SPOCK1: variants seen among roughly 807,000 people sequenced by gnomAD.
The protein encoded by SPOCK1 is testican-1.
In SPOCK1, 23 loss-of-function variants were observed where a neutral mutation model predicts 55.3. That is an observed-to-expected ratio of 0.42 (90% CI 0.30 to 0.59). SPOCK1 has a LOEUF of 0.59. Ranked by LOEUF, SPOCK1 falls within the 20% of genes least tolerant of loss-of-function variation. The pLI is 0.22. For synonymous variants in SPOCK1, 226 were observed against 221.0 expected (o/e 1.02, Z -0.20); for missense variants, 499 against 552.5 (o/e 0.90, Z 0.97).
intron 9 of SPOCK1, among the ~76,000 whole-genome samples, chr5:136,980,575 T>C (rs1340044696): frequency 1.3e-5 from 2 of 152,182 alleles, no homozygotes; most frequent in African/African-American, 2.4e-5. Context: ...CAAGATCTGA[T>C]AGTTTTGTAA....
intron 3 of SPOCK1, among the ~76,000 whole-genome samples, chr5:137,203,686 G>A (rs984805142): frequency 4.6e-5 from 7 of 152,150 alleles, no homozygotes; most frequent in African/African-American, 9.7e-5. Flanking sequence ...ACGGGGCCAC[G>A]TAAATGAATT....
intron 3 of SPOCK1, among the ~76,000 whole-genome samples, chr5:137,171,094 A>G (rs1000797371): frequency 2.0e-5 from 3 of 152,156 alleles, no homozygotes; most frequent in African/African-American, 7.2e-5. Flanking sequence ...AGAGCCTCCA[A>G]TGGAACTCAA....
chr5:137,130,530 G>T (rs554044923), intron 4 of SPOCK1, among the ~76,000 whole-genome samples: 1 of 152,338 alleles, frequency 6.6e-6, no homozygotes, highest in South Asian at 2.1e-4. Context: ...AAGCTCTAAA[G>T]CATTTCATCA....
chr5:137,453,510 T>C (rs543516581), intron 2 of SPOCK1, among the ~76,000 whole-genome samples: 1 of 152,324 alleles, frequency 6.6e-6, no homozygotes, highest in East Asian at 1.9e-4. Context: ...AACCATTATT[T>C]TGGCTCAATC....
At chr5:137,152,650 T>G (rs1008071376) in intron 3 of SPOCK1, among the ~76,000 whole-genome samples, 2 of 152,368 alleles carry the variant, frequency 1.3e-5, no homozygotes, top group Non-Finnish European at 1.5e-5. Context: ...TAGTTTTTGT[T>G]AAATTTAAGG....
At chr5:137,133,935 G>A (rs1489332731) in intron 4 of SPOCK1, among the ~76,000 whole-genome samples, 3 of 143,034 alleles carry the variant, frequency 2.1e-5, no homozygotes, top group African/African-American at 7.6e-5. Context: ...CACCTCTAGG[G>A]CCAGGAGCAG....
chr5:137,215,094 G>GAAATT (rs1755691886), intron 3 of SPOCK1, among the ~76,000 whole-genome samples: 6 of 152,194 alleles, frequency 3.9e-5, no homozygotes, highest in Non-Finnish European at 7.3e-5. Context: ...AGGTGGCAGG[G>GAAATT]TCTGTAATTT....
intron 3 of SPOCK1, among the ~76,000 whole-genome samples, chr5:137,143,968 C>G (rs1754146266): frequency 6.6e-6 from 1 of 152,176 alleles, no homozygotes; most frequent in Admixed American, 6.5e-5. Context: ...GCGGGGCTCA[C>G]CTCATGCCAA....
At chr5:137,223,633 G>A (rs187614399) in intron 3 of SPOCK1, among the ~76,000 whole-genome samples, 4 of 152,136 alleles carry the variant, frequency 2.6e-5, no homozygotes, top group Non-Finnish European at 5.9e-5. Context: ...ACAATGAGAT[G>A]AAATTATTCT....
intron 2 of SPOCK1, among the ~76,000 whole-genome samples, chr5:137,351,234 C>A (rs1750673351): frequency 6.6e-6 from 1 of 152,222 alleles, no homozygotes; most frequent in East Asian, 1.9e-4. Flanking sequence ...AGCAGATGGT[C>A]CTTTAGAAAG....
intron 2 of SPOCK1, among the ~76,000 whole-genome samples, chr5:137,323,414 T>A (rs931402715): frequency 1.3e-5 from 2 of 152,020 alleles, no homozygotes; most frequent in Non-Finnish European, 2.9e-5. Flanking sequence ...AAAACTGTCA[T>A]AAGAGACAAA....
chr5:137,163,326 G>A (rs1047454260), intron 3 of SPOCK1, among the ~76,000 whole-genome samples: 2 of 152,176 alleles, frequency 1.3e-5, no homozygotes, highest in African/African-American at 2.4e-5. Context: ...GGCTGCCAGG[G>A]AAAGGCAGCA....
At chr5:137,382,603 C>T (rs926774712) in intron 2 of SPOCK1, among the ~76,000 whole-genome samples, 3 of 152,318 alleles carry the variant, frequency 2.0e-5, no homozygotes, top group African/African-American at 7.2e-5. Context: ...CAAGGACCTT[C>T]TTCACATGGT....
intron 6 of SPOCK1, among the ~76,000 whole-genome samples, chr5:137,003,132 G>A (rs1028870409): frequency 3.9e-5 from 6 of 152,212 alleles, no homozygotes; most frequent in South Asian, 2.1e-4. Context: ...GGGGCCAGGT[G>A]CAGTGGCTCA....
At chr5:137,422,849 A>G (rs572762102) in intron 2 of SPOCK1, among the ~76,000 whole-genome samples, 6 of 152,228 alleles carry the variant, frequency 3.9e-5, no homozygotes, top group African/African-American at 1.2e-4. Flanking sequence ...CCTTTGGAGG[A>G]GGAGAGGCAC....
chr5:137,147,625 A>C (rs1676815916), intron 3 of SPOCK1, among the ~76,000 whole-genome samples: 1 of 152,182 alleles, frequency 6.6e-6, no homozygotes, highest in South Asian at 2.1e-4. Flanking sequence ...CTTATAGGAC[A>C]CTTATCCTAT....
chr5:137,403,254 A>G (rs968983974), intron 2 of SPOCK1, among the ~76,000 whole-genome samples: 2 of 152,182 alleles, frequency 1.3e-5, no homozygotes, highest in African/African-American at 4.8e-5. Flanking sequence ...GCCTCTGCTG[A>G]GCTTCCCTGC....
chr5:137,241,234 TAATA>T (rs2127100180), intron 3 of SPOCK1, among the ~76,000 whole-genome samples: 1 of 152,346 alleles, frequency 6.6e-6, no homozygotes, highest in South Asian at 2.1e-4. Context: ...AATTCGAGGT[TAATA>T]AATACAAACA....
At chr5:137,487,103 A>G (rs1754074464) in intron 2 of SPOCK1, among the ~76,000 whole-genome samples, 1 of 152,024 alleles carries the variant, frequency 6.6e-6, no homozygotes, top group Admixed American at 6.6e-5. Flanking sequence ...AGACTTAACT[A>G]TTTTCTTCCT....
Sources: gnomAD v4.1 joint callset for allele counts (sites outside exome capture counted in the v4.1 genomes callset) on GRCh38, gnomAD v4.1.1 for gene constraint, MANE v1.5 for transcripts, NCBI Gene and HGNC (gene_info 2026-07-23, HGNC 2026-07-21) for gene names.